The following PAPPA variants were observed in gnomAD, a reference collection of about 807,000 sequenced individuals.
The protein encoded by PAPPA is pappalysin 1, also known as pappalysin-1.
PAPPA carries 60 observed loss-of-function variants against 164.0 expected under a neutral mutation model. The observed-to-expected ratio is 0.37, with a 90% CI of 0.30 to 0.45. The LOEUF (loss-of-function observed/expected upper bound fraction) is 0.45, where lower values mean the gene tolerates loss of function less well. Among genes scored for constraint, PAPPA ranks in the 20% least tolerant of loss-of-function variants. PAPPA has a pLI of 1.00. For missense variants in PAPPA, 1,782 were observed against 2,087.3 expected (o/e 0.85, Z 2.85); for synonymous variants, 875 against 814.1 (o/e 1.07, Z -1.27).
At chr9:116,282,876 A>C (rs986588043) in intron 9 of PAPPA, among the ~76,000 whole-genome samples, 9 of 152,230 alleles carry the variant, frequency 5.9e-5, no homozygotes, top group Non-Finnish European at 1.0e-4. Context: ...CAGATCATTA[A>C]ATACTTAACA....
intron 7 of PAPPA, among the ~76,000 whole-genome samples, chr9:116,238,144 C>G (rs927507912): frequency 6.6e-6 from 1 of 152,008 alleles, no homozygotes. Context: ...AAGGCCTGAC[C>G]ATTAGAACTT....
intron 3 of PAPPA, among the ~76,000 whole-genome samples, chr9:116,208,060 G>A (rs1490060531): frequency 6.6e-6 from 1 of 152,208 alleles, no homozygotes; most frequent in African/African-American, 2.4e-5. Flanking sequence ...AAGAAAAAGT[G>A]AGTTTGCAAG....
chr9:116,396,150 TG>T (rs556102560), intron 21 of PAPPA, among the ~76,000 whole-genome samples: 192 of 152,308 alleles, frequency 1.3e-3, no homozygotes, highest in African/African-American at 4.5e-3. Context: ...TTATTACTTT[TG>T]GCAAATTCTT....
chr9:116,191,766 G>T (rs1215473167), intron 2 of PAPPA, among the ~76,000 whole-genome samples: 1 of 152,158 alleles, frequency 6.6e-6, no homozygotes, highest in Non-Finnish European at 1.5e-5. Context: ...CCATCAGTGA[G>T]GGTCCTAGCA....
intron 15 of PAPPA, 130 bp from the exon 16 acceptor site, chr9:116,352,576 T>C: frequency 1.4e-6 from 1 of 734,196 alleles, no homozygotes; most frequent in Non-Finnish European, 2.4e-6. Flanking sequence ...CAGTTGGAAG[T>C]AGAAGGGGTT....
intron 17 of PAPPA, among the ~76,000 whole-genome samples, chr9:116,355,057 C>G (rs2118603847): frequency 6.6e-6 from 1 of 152,304 alleles, no homozygotes; most frequent in Middle Eastern, 3.4e-3. Flanking sequence ...CCTCAATATC[C>G]CTTCCACTGC....
intron 6 of PAPPA, among the ~76,000 whole-genome samples, chr9:116,231,070 G>A (rs3789298): frequency 0.077 from 9,225 of 119,520 alleles, 389 homozygotes; most frequent in South Asian, 0.17. Context: ...GTCAACAGCT[G>A]CAGTGTATAT....
chr9:116,249,006 C>T (rs76118717), intron 7 of PAPPA, among the ~76,000 whole-genome samples: 1,817 of 152,266 alleles, frequency 0.012, 45 homozygotes, highest in African/African-American at 0.042. Context: ...AAAGCAAAGG[C>T]ATTGGGCCAG....
chr9:116,247,524 T>C (rs1442099785), intron 7 of PAPPA, among the ~76,000 whole-genome samples: 1 of 152,186 alleles, frequency 6.6e-6, no homozygotes, highest in African/African-American at 2.4e-5. Flanking sequence ...ACTTTGTTAT[T>C]TTCTGTTCAC....
At chr9:116,159,806 G>A (rs1208213495) in intron 1 of PAPPA, among the ~76,000 whole-genome samples, 2 of 152,200 alleles carry the variant, frequency 1.3e-5, no homozygotes, top group Non-Finnish European at 2.9e-5. Flanking sequence ...GGGAGTGTGG[G>A]TTGTGTATGG....
intron 6 of PAPPA, 79 bp downstream of exon 6, chr9:116,227,631 A>G: frequency 1.4e-6 from 2 of 1,458,804 alleles, no homozygotes; most frequent in Non-Finnish European, 9.3e-7. Flanking sequence ...GGGTTTTATT[A>G]TTTTTATGGG....
At chr9:116,212,247 T>C (rs1410895844) in intron 4 of PAPPA, among the ~76,000 whole-genome samples, 2 of 152,242 alleles carry the variant, frequency 1.3e-5, no homozygotes, top group Admixed American at 6.5e-5. Flanking sequence ...ACATTCTCTG[T>C]TATTTTGCAA....
intron 7 of PAPPA, among the ~76,000 whole-genome samples, chr9:116,257,878 T>A (rs543504798): frequency 6.6e-6 from 1 of 152,068 alleles, no homozygotes; most frequent in African/African-American, 2.4e-5. Context: ...TTATTTTTAT[T>A]ATCCCCAAAC....
intron 8 of PAPPA, among the ~76,000 whole-genome samples, chr9:116,268,845 G>GT (rs914231275): frequency 7.9e-6 from 1 of 126,686 alleles, no homozygotes; most frequent in African/African-American, 2.9e-5. Flanking sequence ...CTAAGTAGGG[G>GT]TGGGGGGGTA....
In PAPPA at chr9:116,289,172, TAGC is replaced by T. The variant is rs1477145115; in HGVS notation, c.2954-13583_2954-13581del. Among the ~76,000 whole-genome samples the T allele has an allele frequency of 4.0e-3, 130 of 32,402 alleles. 6 individuals are homozygous for T. Among genetic ancestry groups the T allele is most frequent in the South Asian group, 9.7e-3 (7 of 722 alleles). The allele number at this position is 32,402 out of a possible 152,430, so 21.3% of individuals were successfully genotyped here. A position where few individuals can be genotyped will look rare whatever the true frequency, so the allele number is the denominator to read the frequency against. The stretch of plus-strand genomic sequence containing the variant: ...TATATATATATATAGCATATATATA[TAGC>T]ATATATGTAGCATATATATAGCATA... On this transcript the variant is annotated intron_variant, in intron 9 of 21. Coordinates refer to ENST00000328252, the MANE Select transcript of PAPPA (RefSeq NM_002581.5).
intron 8 of PAPPA, among the ~76,000 whole-genome samples, chr9:116,268,705 T>G (rs547680080): frequency 6.7e-6 from 1 of 150,112 alleles, no homozygotes; most frequent in South Asian, 2.1e-4. Context: ...CTTAATACAG[T>G]TTTTTTTTAG....
At chr9:116,174,899 T>G (rs1472455127) in intron 1 of PAPPA, among the ~76,000 whole-genome samples, 3 of 152,090 alleles carry the variant, frequency 2.0e-5, no homozygotes, top group Non-Finnish European at 2.9e-5. Context: ...TAGTGGCAAA[T>G]TAAAGCACAA....
chr9:116,218,173 A>G (rs1403015549), intron 4 of PAPPA, among the ~76,000 whole-genome samples: 1 of 152,152 alleles, frequency 6.6e-6, no homozygotes, highest in Non-Finnish European at 1.5e-5. Flanking sequence ...CAAATGTGTT[A>G]AAGACTTCCC....
intron 21 of PAPPA, among the ~76,000 whole-genome samples, chr9:116,386,025 A>C (rs973127442): frequency 6.6e-6 from 1 of 152,232 alleles, no homozygotes; most frequent in Admixed American, 6.5e-5. Context: ...AGATCTGAAG[A>C]GGGAACAGAG....
Sources: gnomAD v4.1 joint callset for allele counts (sites outside exome capture counted in the v4.1 genomes callset) on GRCh38, gnomAD v4.1.1 for gene constraint, MANE v1.5 for transcripts, NCBI Gene and HGNC (gene_info 2026-07-23, HGNC 2026-07-21) for gene names.